Variants in SLIT2 observed in about 807,000 individuals in gnomAD.
SLIT2 encodes the protein slit guidance ligand 2.
SLIT2 carries 41 observed loss-of-function variants against 185.7 expected under a neutral mutation model. That is an observed-to-expected ratio of 0.22 (90% confidence interval 0.17 to 0.29). SLIT2 has a LOEUF of 0.29. Ranked by LOEUF, SLIT2 falls within the 10% of genes least tolerant of loss-of-function variation. The probability of loss-of-function intolerance (pLI) is 1.00; values close to 1 mark genes in which losing one functional copy is unlikely to be tolerated. For synonymous variants in SLIT2, 693 were observed against 680.2 expected, an observed-to-expected ratio of 1.02 and a Z score of -0.29; for missense variants, 1,571 against 1,909.0, an observed-to-expected ratio of 0.82 and a Z score of 3.30.
At chr4:20,436,513 G>T (rs934857984) in intron 4 of SLIT2, among the ~76,000 whole-genome samples, 1 of 152,144 alleles carries the variant, frequency 6.6e-6, no homozygotes, top group Non-Finnish European at 1.5e-5. Flanking sequence ...ACCCAGAGTG[G>T]CTTGCTTACT....
rs1725313606 is a variant in SLIT2, at chr4:20,568,784, A to T, written c.2949-81A>T. 23 of 1,291,452 alleles carry T rather than the reference A, an allele frequency of 1.8e-5. No homozygotes were observed. In the South Asian group the frequency reaches 2.2e-4, roughly 12 times the overall value. 80.0% of individuals were successfully genotyped at this position (1,291,452 alleles called of 1,614,324 possible). A position where few individuals can be genotyped will look rare whatever the true frequency, so the allele number is the denominator to read the frequency against. On this transcript the variant is annotated intron_variant, in intron 28 of 36. Transcript: ENST00000504154. ...AGCTCTATGGTTGATGAGTGTAATT[A>T]TGCTTTTTTCAATATTTAGACCACA...
chr4:20,388,908 CATATA>C (rs1009781006), intron 4 of SLIT2, among the ~76,000 whole-genome samples: 7 of 137,384 alleles, frequency 5.1e-5, no homozygotes, highest in East Asian at 4.1e-4. Context: ...ATAATATATA[CATATA>C]ATATATATAA....
In SLIT2 at chr4:20,472,603, G is replaced by T. The variant is rs1447980594; in HGVS notation, c.467+4780G>T. On this transcript the variant is annotated intron_variant, in intron 5 of 36. Transcript: ENST00000504154. ...ATCTATATATAGATATATATCTATAGATATATCTATATATATCGATATATC... is the reference window on the plus strand; with the variant it reads ...ATCTATATATAGATATATATCTATATATATATCTATATATATCGATATATC... 2.3e-3 allele frequency among the ~76,000 whole-genome samples: 17 copies of T among 7,420 alleles called. 3 individuals are homozygous for T. Among genetic ancestry groups the T allele is most frequent in the African/African-American group, 3.8e-3 (5 of 1,332 alleles). The allele number at this position is 7,420 out of a possible 152,430, so 4.9% of individuals were successfully genotyped here.
At position 20,595,709 on chromosome 4, in the gene SLIT2, A is replaced by G; in HGVS notation, c.3195A>G (p.Thr1065=). 1 of 1,614,092 alleles carries G rather than the reference A, an allele frequency of 6.2e-7. No homozygotes were observed. Among genetic ancestry groups the G allele is most frequent in the Non-Finnish European group, 8.5e-7 (1 of 1,179,960 alleles). ...CTTGTTCCAACAGATGTGACTGCAC[A>G]CCAGGGTACGTAGGTGAACACTGCG... The part of the protein sequence containing the change: ...LTPKGFKCDC[T]PGYVGEHCDI... The change falls in exon 31 of 37, where the codon ACA becomes ACG. Residue 1065 remains threonine (T), a synonymous_variant. Transcript: ENST00000504154.
At chr4:20,308,270 G>A (rs1717766846) in intron 4 of SLIT2, among the ~76,000 whole-genome samples, 1 of 152,140 alleles carries the variant, frequency 6.6e-6, no homozygotes, top group South Asian at 2.1e-4. Context: ...TCATTGGCTG[G>A]GAATTTGTGT....
At chr4:20,558,777 C>T (rs781058808) in intron 26 of SLIT2, among the ~76,000 whole-genome samples, 1 of 152,048 alleles carries the variant, frequency 6.6e-6, no homozygotes, top group Non-Finnish European at 1.5e-5. Context: ...CTTTTCAGCA[C>T]TGCCCAATAC....
At chr4:20,295,017 CAA>C (rs1380741915) in intron 4 of SLIT2, among the ~76,000 whole-genome samples, 2 of 152,126 alleles carry the variant, frequency 1.3e-5, no homozygotes, top group Non-Finnish European at 2.9e-5. Flanking sequence ...AAAGAAGTAT[CAA>C]AGACTAGTTA....
chr4:20,461,490 C>T (rs1226342226), intron 4 of SLIT2, among the ~76,000 whole-genome samples: 1 of 152,080 alleles, frequency 6.6e-6, no homozygotes, highest in Admixed American at 6.6e-5. Context: ...TGTAATGAGG[C>T]AAGATATCTG....
chr4:20,546,959 G>T (rs568367462), intron 22 of SLIT2, among the ~76,000 whole-genome samples: 1 of 152,040 alleles, frequency 6.6e-6, no homozygotes, highest in Non-Finnish European at 1.5e-5. Flanking sequence ...TATTACTAGC[G>T]TAAGAAGCAG....
At chr4:20,512,516 C>A (rs1719847822) in intron 11 of SLIT2, among the ~76,000 whole-genome samples, 1 of 152,100 alleles carries the variant, frequency 6.6e-6, no homozygotes, top group Non-Finnish European at 1.5e-5. Flanking sequence ...ATTAAAGGAA[C>A]AATTGTTGGC....
chr4:20,338,227 G>A lies in SLIT2; in HGVS notation c.395+69346G>A, dbSNP rs547233212. On this transcript the variant is annotated intron_variant, in intron 4 of 36. Coordinates refer to ENST00000504154, the MANE Select transcript of SLIT2 (RefSeq NM_004787.4). ...TCTCTTCCCTTGTGTTAGAATTACA[G>A]AGGATGAAAGTATTTTAAAATCTCT... Among the ~76,000 whole-genome samples, 3 of 152,312 alleles carry A rather than the reference G, an allele frequency of 2.0e-5. 1 individual carries two copies. In the South Asian group the frequency reaches 6.2e-4, roughly 32 times the overall value.
intron 4 of SLIT2, among the ~76,000 whole-genome samples, chr4:20,450,495 G>A (rs550815603): frequency 6.6e-6 from 1 of 152,264 alleles, no homozygotes; most frequent in East Asian, 1.9e-4. Flanking sequence ...TGAAGTAGAA[G>A]GGACCCTTAC....
chr4:20,267,816 A>G (rs1435085567), intron 3 of SLIT2, among the ~76,000 whole-genome samples: 4 of 151,812 alleles, frequency 2.6e-5, no homozygotes, highest in Non-Finnish European at 5.9e-5. Context: ...CTTAAGAAAT[A>G]CCTCTGGTTT....
intron 33 of SLIT2, among the ~76,000 whole-genome samples, chr4:20,601,218 A>G (rs1380876896): frequency 6.6e-6 from 1 of 152,246 alleles, no homozygotes; most frequent in South Asian, 2.1e-4. Context: ...TGTTCTAGAG[A>G]TAGTCTGGCT....
At chr4:20,370,841 G>A (rs919684725) in intron 4 of SLIT2, among the ~76,000 whole-genome samples, 2 of 151,950 alleles carry the variant, frequency 1.3e-5, no homozygotes, top group African/African-American at 4.8e-5. Context: ...AAATCCCATG[G>A]GTAGTTTTTA....
Position 20,486,225 on chromosome 4 carries a change from A to G in SLIT2, c.565A>G (p.Arg189Gly), listed in dbSNP as rs1470222573. The G allele has an allele frequency of 5.0e-6, 8 of 1,605,594 alleles. No homozygotes were observed. The highest frequency in any genetic ancestry group is 6.0e-6 in the Non-Finnish European group (7 of 1,172,568). Residue 189 changes from arginine to glycine, a missense_variant, in exon 7 of 37, where the codon AGA (arginine) becomes GGA (glycine). By Grantham distance (125) the Arg-to-Gly change is moderately radical. This residue lies in a region of SLIT2 where 1,202 missense variants were observed against 1,416.4 expected (regional missense o/e 0.85). Coordinates refer to ENST00000504154, the MANE Select transcript of SLIT2 (RefSeq NM_004787.4). ...CACTCTCAACAATAACAACATTACTAGACTTTCTGTGGCAAGTTTCAACCA... is the reference window on the plus strand; with the variant it reads ...CACTCTCAACAATAACAACATTACTGGACTTTCTGTGGCAAGTTTCAACCA... ...VLTLNNNNIT[R>G]LSVASFNHMP...
chr4:20,460,852 A>G (rs1413176966), intron 4 of SLIT2, among the ~76,000 whole-genome samples: 1 of 152,222 alleles, frequency 6.6e-6, no homozygotes, highest in African/African-American at 2.4e-5. Flanking sequence ...GAATTTTACT[A>G]AATAACAGCA....
At chr4:20,296,845 T>A (rs1005589894) in intron 4 of SLIT2, among the ~76,000 whole-genome samples, 1 of 152,238 alleles carries the variant, frequency 6.6e-6, no homozygotes, top group Admixed American at 6.5e-5. Flanking sequence ...TAAAAGTGAA[T>A]GAAAGAGGAT....
intron 4 of SLIT2, among the ~76,000 whole-genome samples, chr4:20,343,514 T>C (rs1721132253): frequency 6.6e-6 from 1 of 152,064 alleles, no homozygotes; most frequent in African/African-American, 2.4e-5. Flanking sequence ...AACTTTTTTT[T>C]TTCTTGAGAT....
Sources: allele counts gnomAD v4.1 joint callset (sites outside exome capture counted in the v4.1 genomes callset), GRCh38; gene constraint gnomAD v4.1.1; regional missense constraint gnomAD v4.1.1; transcripts MANE v1.5; gene names NCBI Gene and HGNC (gene_info 2026-07-23, HGNC 2026-07-21).